SRGAP2B: variants seen among roughly 807,000 people sequenced by gnomAD.
SRGAP2B encodes the protein SLIT-ROBO Rho GTPase activating protein 2B.
Under a neutral mutation model 22.2 loss-of-function variants are expected in SRGAP2B, and 9 were observed. The ratio of observed to expected loss-of-function variants is 0.41; its 90% CI spans 0.24 to 0.71. The LOEUF is 0.71. Ranked by LOEUF, SRGAP2B falls within the 30% of genes least tolerant of loss-of-function variation. SRGAP2B has a pLI of 0.35. For missense variants in SRGAP2B, 114 were observed against 235.8 expected (o/e 0.48, Z 3.38); for synonymous variants, 36 against 87.4 (o/e 0.41, Z 3.28).
chr1:145,041,792 C>T (rs1480515166), intron 2 of SRGAP2B, among the ~76,000 whole-genome samples: 1 of 145,132 alleles, frequency 6.9e-6, no homozygotes, highest in African/African-American at 2.8e-5. Flanking sequence ...CTTATCACAC[C>T]TTCCCACACT....
intron 2 of SRGAP2B, among the ~76,000 whole-genome samples, chr1:145,044,650 TAAAAAAA>T (rs1184404731): frequency 3.3e-5 from 1 of 30,678 alleles, no homozygotes; most frequent in African/African-American, 1.3e-4. Flanking sequence ...AACCCCCTCC[TAAAAAAA>T]AAAAAAAAAA....
At position 144,924,812 on chromosome 1, in the gene SRGAP2B, T is replaced by C. The variant is rs587707963; in HGVS notation, c.424-10058A>G. 1.0e-4 allele frequency among the ~76,000 whole-genome samples: 15 copies of C among 148,826 alleles called. 1 individual carries two copies. In the South Asian group the frequency reaches 3.2e-3, roughly 31 times the overall value. ...TCCATATATGTCATTTAGGTCAAGT[T>C]TGTTGTATTTTTACTGACTTTTTTG... On this transcript the variant is annotated intron_variant, in intron 4 of 9. Transcript: ENST00000612199.
At chr1:145,030,289 C>T (rs1648122431) in intron 2 of SRGAP2B, among the ~76,000 whole-genome samples, 1 of 150,342 alleles carries the variant, frequency 6.7e-6, no homozygotes, top group South Asian at 2.1e-4. Context: ...ATATCATTTA[C>T]ACACGTTATT....
intron 4 of SRGAP2B, among the ~76,000 whole-genome samples, chr1:144,922,625 A>G (rs1188035588): frequency 6.6e-6 from 1 of 150,656 alleles, no homozygotes; most frequent in African/African-American, 2.5e-5. Context: ...GAATGAAAAT[A>G]AGGAGGATAC....
chr1:144,991,356 G>T (rs1328773431), intron 3 of SRGAP2B, among the ~76,000 whole-genome samples: 2 of 150,352 alleles, frequency 1.3e-5, no homozygotes, highest in Admixed American at 1.3e-4. Flanking sequence ...TTTAGCTCAA[G>T]GTTTGTAAGT....
At chr1:144,899,804 CA>C (rs1318806393) in intron 7 of SRGAP2B, among the ~76,000 whole-genome samples, 1 of 143,920 alleles carries the variant, frequency 6.9e-6, no homozygotes, top group East Asian at 2.1e-4. Context: ...GCTCCAAATC[CA>C]CTGACCTCTG....
intron 4 of SRGAP2B, among the ~76,000 whole-genome samples, chr1:144,930,591 G>C (rs1665097525): frequency 6.6e-6 from 1 of 150,454 alleles, no homozygotes; most frequent in South Asian, 2.1e-4. Context: ...AGAAAGATTT[G>C]GGCATCTAGT....
intron 4 of SRGAP2B, chr1:144,918,386 A>C (rs1335864656): frequency 2.7e-5 from 4 of 148,144 alleles, no homozygotes; most frequent in Middle Eastern, 3.3e-3. Context: ...TCTTATTTTG[A>C]AACTCACCAC....
rs1337781133 is a variant in SRGAP2B at position 145,064,634 on chromosome 1, A to G, written c.67+28201T>C. On this transcript the variant is annotated intron_variant, in intron 2 of 9. Coordinates refer to ENST00000612199, the Ensembl canonical transcript of SRGAP2B. ...ATCAATACCATAGGGCCCAAGATTT[A>G]ACAGGAGCCTTTGCAGAGAAGAAAT... Among the ~76,000 whole-genome samples, 9 of 149,074 alleles carry G rather than the reference A, an allele frequency of 6.0e-5. 1 individual carries two copies. Among genetic ancestry groups the G allele is most frequent in the African/African-American group, 2.3e-4 (9 of 39,256 alleles).
At chr1:145,012,036 GCT>G (rs1364436685) in intron 2 of SRGAP2B, among the ~76,000 whole-genome samples, 18 of 150,952 alleles carry the variant, frequency 1.2e-4, no homozygotes, top group Non-Finnish European at 2.5e-4. Flanking sequence ...CACGTGGTTA[GCT>G]CTCTCACTTC....
intron 2 of SRGAP2B, among the ~76,000 whole-genome samples, chr1:145,009,513 G>A (rs1265100140): frequency 3.4e-5 from 5 of 147,028 alleles, no homozygotes; most frequent in Non-Finnish European, 7.5e-5. Context: ...GCGTGAACCC[G>A]GGAGGCGGAG....
At chr1:145,035,938 CAAA>C (rs587600117) in intron 2 of SRGAP2B, among the ~76,000 whole-genome samples, 1 of 92,208 alleles carries the variant, frequency 1.1e-5, no homozygotes. Flanking sequence ...TTTCAGAAGA[CAAA>C]AAAAAAAAAA....
Position 144,955,444 on chromosome 1 carries a change from T to A in SRGAP2B, c.418A>T (p.Lys140Ter), listed in dbSNP as rs1553610086. Residue 140 changes from lysine (K) to a stop codon, truncating the protein, a stop_gained, in exon 4 of 10, where the codon AAA becomes TAA. Transcript: ENST00000612199. LOFTEE classifies it high-confidence loss of function. ...GTGAAGAAATATCTCTGTACCTTTTTAAAGAGTCTTCCTGAGTCCTCGCTG... is the reference window on the plus strand; with the variant it reads ...GTGAAGAAATATCTCTGTACCTTTTAAAAGAGTCTTCCTGAGTCCTCGCTG... 8 of 1,596,378 alleles carry A rather than the reference T, an allele frequency of 5.0e-6. No homozygotes were observed. Among genetic ancestry groups the A allele is most frequent in the Non-Finnish European group, 6.8e-6 (8 of 1,171,064 alleles).
intron 3 of SRGAP2B, among the ~76,000 whole-genome samples, chr1:144,984,372 A>AAAC (rs1193264329): frequency 2.7e-5 from 4 of 147,230 alleles, no homozygotes; most frequent in East Asian, 1.9e-4. Context: ...CAACAAAAAA[A>AAAC]AAAAAACAAA....
chr1:145,020,749 C>G (rs1302209574), intron 2 of SRGAP2B, among the ~76,000 whole-genome samples: 1 of 149,700 alleles, frequency 6.7e-6, no homozygotes, highest in East Asian at 1.9e-4. Context: ...ATAAGTATAT[C>G]TTCACCTACT....
At chr1:145,006,051 T>C (rs1671566672) in intron 2 of SRGAP2B, among the ~76,000 whole-genome samples, 4 of 150,942 alleles carry the variant, frequency 2.7e-5, no homozygotes, top group Non-Finnish European at 4.4e-5. Flanking sequence ...TGGGCCTTCA[T>C]ATGTTGTTGA....
intron 3 of SRGAP2B, among the ~76,000 whole-genome samples, chr1:144,971,784 G>A (rs1463876556): frequency 6.0e-5 from 9 of 150,892 alleles, no homozygotes; most frequent in African/African-American, 7.4e-5. Context: ...ATGGTCTAGA[G>A]TCTAGACCAA....
intron 2 of SRGAP2B, among the ~76,000 whole-genome samples, chr1:145,069,048 T>A (rs1651850324): frequency 6.9e-6 from 1 of 144,360 alleles, no homozygotes; most frequent in Non-Finnish European, 1.5e-5. Context: ...ATGTACCACT[T>A]CATCTCCATC....
chr1:144,960,466 C>T (rs1442906323), intron 3 of SRGAP2B, among the ~76,000 whole-genome samples: 3 of 150,228 alleles, frequency 2.0e-5, no homozygotes, highest in South Asian at 2.1e-4. Context: ...TCATTAGCTT[C>T]GAAGACATTA....
Sources: gnomAD v4.1 joint callset for allele counts (sites outside exome capture counted in the v4.1 genomes callset) on GRCh38, gnomAD v4.1.1 for gene constraint, MANE v1.5 for transcripts, NCBI Gene and HGNC (gene_info 2026-07-23, HGNC 2026-07-21) for gene names.